The following SENP1 variants were observed in gnomAD, a reference collection of about 807,000 sequenced individuals.
SENP1 encodes sentrin-specific protease 1.
SENP1 carries 21 observed loss-of-function variants against 93.0 expected under a neutral mutation model. That is an observed-to-expected ratio of 0.23 (90% CI 0.16 to 0.33). The LOEUF (loss-of-function observed/expected upper bound fraction) is 0.33, where lower values mean the gene tolerates loss of function less well. SENP1 is among the 10% of genes least tolerant of loss of function. The pLI, the probability that SENP1 is intolerant of heterozygous loss-of-function variation, is 1.00. For synonymous variants in SENP1, 256 were observed against 259.6 expected (o/e 0.99, Z 0.13); for missense variants, 591 against 758.7 (o/e 0.78, Z 2.60).
chr12:48,085,241 C>T lies in SENP1; in HGVS notation c.381-1479G>A, dbSNP rs1284478118. On this transcript the variant is annotated intron_variant, in intron 5 of 17. Transcript: ENST00000549518. ...TCCGGCAATTTCTAAACCGGGATGACACTGGCATCATCCTCATCAACCAGT... is the reference window on the plus strand; with the variant it reads ...TCCGGCAATTTCTAAACCGGGATGATACTGGCATCATCCTCATCAACCAGT... 5.7e-5 allele frequency: 88 copies of T among 1,550,844 alleles called. No homozygotes were observed. In the East Asian group the frequency reaches 1.1e-3, roughly 19 times the overall value.
At chr12:48,078,390 CACACACATATAT>C (rs1944288654) in intron 6 of SENP1, among the ~76,000 whole-genome samples, 1 of 144,926 alleles carries the variant, frequency 6.9e-6, no homozygotes, top group Non-Finnish European at 1.5e-5. Flanking sequence ...TATACATATA[CACACACATATAT>C]ACACATATAT....
intron 1 of SENP1, among the ~76,000 whole-genome samples, chr12:48,104,753 C>T (rs182773244): frequency 6.6e-6 from 1 of 152,348 alleles, no homozygotes; most frequent in Admixed American, 6.5e-5. Context: ...AAGTCAACAA[C>T]TGCATTCCCT....
intron 13 of SENP1, among the ~76,000 whole-genome samples, chr12:48,049,977 T>C (rs547534879): frequency 6.6e-5 from 10 of 152,278 alleles, no homozygotes; most frequent in Non-Finnish European, 8.8e-5. Context: ...AGTGGGGAGA[T>C]GTGTGATTCT....
At position 48,085,304 on chromosome 12, in the gene SENP1, C is replaced by T. The variant is rs889833408; in HGVS notation, c.381-1542G>A. On this transcript the variant is annotated intron_variant, in intron 5 of 17. Coordinates refer to ENST00000549518, the MANE Select transcript of SENP1 (RefSeq NM_001267594.2). ...TGGTGCAGCATGCCCTGGACACCCA[C>T]CAGCACTCTATCCCTACTGTCCTGG... is the stretch of plus-strand genomic sequence containing the variant. The T allele has an allele frequency of 4.0e-6, 6 of 1,505,696 alleles. No homozygotes were observed. The African/African-American group carries it at 8.3e-5, about 21-fold the overall frequency. 93.3% of individuals were successfully genotyped at this position (1,505,696 alleles called of 1,614,324 possible).
chr12:48,071,559 T>G, intron 9 of SENP1, 108 bp downstream of exon 9: 4 of 701,208 alleles, frequency 5.7e-6, no homozygotes. Context: ...GAGGTTGCAG[T>G]GAACCAAGAT....
intron 13 of SENP1, among the ~76,000 whole-genome samples, chr12:48,058,192 C>T (rs1378959387): frequency 1.3e-5 from 2 of 151,810 alleles, no homozygotes; most frequent in African/African-American, 2.4e-5. Context: ...GTGATCCACC[C>T]GCCTCGGCCT....
Position 48,065,695 on chromosome 12 carries a change from G to C in SENP1, c.1035-15C>G. On this transcript the variant is annotated splice_polypyrimidine_tract_variant and intron_variant, in intron 10 of 17. Transcript: ENST00000549518. ...AAACACTAGTTCTAGAAAATGAAAA[G>C]GAACGTGACCAAATGTAGACCACTC... 1 of 1,520,800 alleles carries C rather than the reference G, an allele frequency of 6.6e-7. No homozygotes were observed. Among genetic ancestry groups the C allele is most frequent in the Non-Finnish European group, 8.9e-7 (1 of 1,119,006 alleles). 94.2% of individuals were successfully genotyped at this position (1,520,800 alleles called of 1,614,324 possible).
intron 6 of SENP1, among the ~76,000 whole-genome samples, chr12:48,083,297 G>C (rs1944615531): frequency 6.6e-6 from 1 of 152,182 alleles, no homozygotes; most frequent in Non-Finnish European, 1.5e-5. Flanking sequence ...AGATCAAAGA[G>C]AGATACTTTG....
intron 9 of SENP1, among the ~76,000 whole-genome samples, chr12:48,067,268 A>G (rs1943369872): frequency 6.6e-6 from 1 of 152,228 alleles, no homozygotes. Flanking sequence ...ACATTACGTG[A>G]AAGAGGACAT....
Position 48,100,225 on chromosome 12 carries a change from T to C in SENP1, c.4+1244A>G, listed in dbSNP as rs540145835. Among the ~76,000 whole-genome samples, 5 of 152,284 alleles carry C rather than the reference T, an allele frequency of 3.3e-5. No individual in the cohort carries two copies. In the South Asian group the frequency reaches 1.0e-3, roughly 32 times the overall value. On this transcript the variant is annotated intron_variant, in intron 2 of 17. Coordinates refer to ENST00000549518, the MANE Select transcript of SENP1 (RefSeq NM_001267594.2). ...CAGACATAAAGTACTACAAATGAAATAGTGAAAAATGTCCTAACCACAATT... is the reference window on the plus strand; with the variant it reads ...CAGACATAAAGTACTACAAATGAAACAGTGAAAAATGTCCTAACCACAATT...
chr12:48,095,535 CAAAAAAA>C lies in SENP1; in HGVS notation c.220+801_220+807del, dbSNP rs3054235. 4.6e-3 allele frequency among the ~76,000 whole-genome samples: 394 copies of C among 85,884 alleles called. 1 individual carries two copies. Among genetic ancestry groups the C allele is most frequent in the African/African-American group, 6.8e-3 (138 of 20,444 alleles). 56.3% of individuals were successfully genotyped at this position (85,884 alleles called of 152,430 possible). A position where few individuals can be genotyped will look rare whatever the true frequency, so the allele number is the denominator to read the frequency against. ...TGGGCAACACAGGGAGACTCTGTGT[CAAAAAAA>C]AAAAAAAAAAAAAAAATTCCTGTTG... On this transcript the variant is annotated intron_variant, in intron 4 of 17. Transcript: ENST00000549518.
intron 6 of SENP1, among the ~76,000 whole-genome samples, chr12:48,076,286 C>T (rs1159121688): frequency 2.6e-5 from 4 of 152,184 alleles, no homozygotes; most frequent in East Asian, 3.9e-4. Flanking sequence ...CCCGCCACCA[C>T]GCCCAGCTAA....
intron 13 of SENP1, among the ~76,000 whole-genome samples, chr12:48,061,654 C>T (rs1193272329): frequency 2.0e-5 from 3 of 152,186 alleles, no homozygotes; most frequent in African/African-American, 7.2e-5. Flanking sequence ...GTGATCCTCT[C>T]ACCTTAGCCA....
intron 13 of SENP1, 152 bp downstream of exon 13, chr12:48,063,558 T>G (rs1943095618): frequency 1.6e-6 from 1 of 630,026 alleles, no homozygotes. Flanking sequence ...TCCACCACAC[T>G]CCCTCATAGT....
intron 3 of SENP1, among the ~76,000 whole-genome samples, chr12:48,097,150 G>A (rs1030473059): frequency 6.6e-6 from 1 of 152,104 alleles, no homozygotes; most frequent in Non-Finnish European, 1.5e-5. Context: ...TATGTATTTA[G>A]TACATCCTGT....
chr12:48,056,435 ATAAT>A (rs1942365668), intron 13 of SENP1, among the ~76,000 whole-genome samples: 1 of 106,314 alleles, frequency 9.4e-6, no homozygotes, highest in Non-Finnish European at 1.7e-5. Context: ...TATTACATAT[ATAAT>A]TATTTAATAT....
At chr12:48,047,957 C>T in intron 15 of SENP1, 44 bp downstream of exon 15, 2 of 1,295,126 alleles carry the variant, frequency 1.5e-6, no homozygotes, top group Non-Finnish European at 2.2e-6. Context: ...AAAACACCAC[C>T]TATACCCGAT....
chr12:48,095,490 C>A (rs1410750315), intron 4 of SENP1, among the ~76,000 whole-genome samples: 1 of 143,832 alleles, frequency 7.0e-6, no homozygotes, highest in Non-Finnish European at 1.5e-5. Context: ...GAGCTGAGAT[C>A]ACACCACTGC....
At chr12:48,099,331 A>AAAC (rs367878433) in intron 2 of SENP1, among the ~76,000 whole-genome samples, 9 of 151,200 alleles carry the variant, frequency 6.0e-5, no homozygotes, top group South Asian at 2.1e-4. Context: ...CTGTCTCAGA[A>AAAC]AACAACAACA....
Sources: gnomAD v4.1 joint callset for allele counts (sites outside exome capture counted in the v4.1 genomes callset) on GRCh38, gnomAD v4.1.1 for gene constraint, MANE v1.5 for transcripts, NCBI Gene and HGNC (gene_info 2026-07-23, HGNC 2026-07-21) for gene names.